The following SLC38A6 variants were observed in gnomAD, a reference collection of about 807,000 sequenced individuals.
SLC38A6 encodes the protein solute carrier family 38 member 6.
In SLC38A6, 73 loss-of-function variants were observed where a neutral mutation model predicts 65.0. The ratio of observed to expected loss-of-function variants is 1.12; its 90% CI spans 0.93 to 1.37. The LOEUF is 1.37. SLC38A6 is among the 40% of genes most tolerant of loss of function. The pLI, the probability that SLC38A6 is intolerant of heterozygous loss-of-function variation, is 0.00. For synonymous variants in SLC38A6, 183 were observed against 178.8 expected (o/e 1.02, Z -0.19); for missense variants, 561 against 531.1 (o/e 1.06, Z -0.55).
chr14:61,051,728 G>A, intron 13 of SLC38A6, 59 bp from the exon 14 acceptor site: 1 of 1,585,964 alleles, frequency 6.3e-7, no homozygotes, highest in Non-Finnish European at 8.6e-7. Context: ...GTTTCTCTCA[G>A]CAAATATCTG....
At chr14:61,058,036 G>T (rs1284960008) in intron 15 of SLC38A6, among the ~76,000 whole-genome samples, 186 of 130,562 alleles carry the variant, frequency 1.4e-3, no homozygotes, top group African/African-American at 2.6e-3. Flanking sequence ...TCTTGCTAGC[G>T]GTCTATCAAT....
chr14:61,037,131 TC>T lies in SLC38A6; in HGVS notation c.558del (p.Ile188Ter), dbSNP rs1412576119. 16 of 1,601,642 alleles carry T rather than the reference TC, an allele frequency of 1.0e-5. No homozygotes were observed. Among genetic ancestry groups the T allele is most frequent in the Non-Finnish European group, 1.4e-5 (16 of 1,173,522 alleles). ...VGIVFPLALL[P>X]KIGFLGYTSS... ...GCATTGTGTTCCCTCTTGCACTTCT[TC>T]CCAAAATAGGTAAGTCTTTATAGAG... On this transcript the variant is annotated frameshift_variant, in exon 7 of 16. Transcript: ENST00000267488. LOFTEE classifies it high-confidence loss of function.
intron 8 of SLC38A6, among the ~76,000 whole-genome samples, chr14:61,038,405 G>T (rs1377867619): frequency 2.0e-5 from 3 of 151,574 alleles, no homozygotes; most frequent in Non-Finnish European, 4.4e-5. Context: ...TTTTTTCTTT[G>T]TATAGCAGTT....
chr14:60,992,125 A>G (rs945388035), intron 3 of SLC38A6, among the ~76,000 whole-genome samples: 2 of 152,178 alleles, frequency 1.3e-5, no homozygotes, highest in Non-Finnish European at 1.5e-5. Flanking sequence ...CTTGTACTTT[A>G]CTATCTTTGA....
chr14:61,049,594 C>T (rs2042382715), intron 12 of SLC38A6, among the ~76,000 whole-genome samples: 1 of 152,100 alleles, frequency 6.6e-6, no homozygotes, highest in Non-Finnish European at 1.5e-5. Context: ...AACTCTCTGG[C>T]CACTTACATG....
intron 3 of SLC38A6, among the ~76,000 whole-genome samples, chr14:61,003,672 T>C (rs1159938738): frequency 6.6e-6 from 1 of 152,210 alleles, no homozygotes; most frequent in Non-Finnish European, 1.5e-5. Context: ...TGCTGCAGAT[T>C]TTTTGTTGTT....
Position 61,037,058 on chromosome 14 carries a change from G to A in SLC38A6, c.483-1G>A. The A allele has an allele frequency of 2.0e-6, 3 of 1,514,894 alleles. No individual in the cohort carries two copies. Among genetic ancestry groups the A allele is most frequent in the South Asian group, 2.2e-5 (2 of 89,852 alleles). 93.8% of individuals were successfully genotyped at this position (1,514,894 alleles called of 1,614,324 possible). A position where few individuals can be genotyped will look rare whatever the true frequency, so the allele number is the denominator to read the frequency against. On this transcript the variant is annotated splice_acceptor_variant, in intron 6 of 15. Coordinates refer to ENST00000267488, the MANE Select transcript of SLC38A6 (RefSeq NM_153811.3). LOFTEE classifies it high-confidence loss of function. Reference sequence around the variant, plus strand: ...CTAAAGTAGAACTTTTTTTATAATAGATATTGGTATCTTGATGGACAAACA... The same window carrying A: ...CTAAAGTAGAACTTTTTTTATAATAAATATTGGTATCTTGATGGACAAACA...
At chr14:61,021,783 G>C (rs555075786) in intron 5 of SLC38A6, among the ~76,000 whole-genome samples, 2 of 152,122 alleles carry the variant, frequency 1.3e-5, no homozygotes, top group South Asian at 4.1e-4. Flanking sequence ...AGTGTATTAA[G>C]TGCCCAGTCA....
chr14:61,055,272 C>T (rs1361007526), downstream of SLC38A6, among the ~76,000 whole-genome samples: 3 of 59,348 alleles, frequency 5.1e-5, no homozygotes, highest in African/African-American at 1.9e-4. Flanking sequence ...CCCCCCTCCC[C>T]CGACCCCACC....
intron 6 of SLC38A6, among the ~76,000 whole-genome samples, chr14:61,033,512 C>T (rs760398910): frequency 2.0e-4 from 30 of 151,924 alleles, no homozygotes; most frequent in Admixed American, 4.6e-4. Context: ...TTTATTCCCC[C>T]CTTAGGAAAA....
At chr14:61,065,882 T>G (rs2043003322) in intron 15 of SLC38A6, among the ~76,000 whole-genome samples, 1 of 152,124 alleles carries the variant, frequency 6.6e-6, no homozygotes, top group African/African-American at 2.4e-5. Context: ...GTGTGGAGAG[T>G]ACTTCCACTC....
intron 15 of SLC38A6, among the ~76,000 whole-genome samples, chr14:61,067,810 C>T (rs1201872724): frequency 6.6e-6 from 1 of 152,108 alleles, no homozygotes; most frequent in Non-Finnish European, 1.5e-5. Flanking sequence ...AGCTTCAGTG[C>T]ACCACTTAAG....
chr14:61,046,127 T>C lies in SLC38A6; in HGVS notation c.885T>C (p.Ile295=), dbSNP rs1476931889. The change falls in exon 12 of 16, where the codon ATT becomes ATC. Residue 295 remains isoleucine (I), a synonymous_variant. Transcript: ENST00000267488. The part of the protein sequence containing the change: ...TNTAIALSFL[I]YFISALFGYL... Reference sequence around the variant, plus strand: ...CAGCAATTGCTTTAAGTTTTCTCATTTATTTTATATCTGCACTCTTTGGGT... The same window carrying C: ...CAGCAATTGCTTTAAGTTTTCTCATCTATTTTATATCTGCACTCTTTGGGT... 1 of 1,610,790 alleles carries C rather than the reference T, an allele frequency of 6.2e-7. No individual in the cohort carries two copies. The highest frequency in any genetic ancestry group is 8.5e-7 in the Non-Finnish European group (1 of 1,177,626).
chr14:61,022,153 A>G (rs1476767753), intron 5 of SLC38A6, among the ~76,000 whole-genome samples: 1 of 152,170 alleles, frequency 6.6e-6, no homozygotes, highest in Non-Finnish European at 1.5e-5. Context: ...TTATTACAGG[A>G]AAGTTCAATG....
chr14:61,005,502 A>G (rs1003157309), intron 3 of SLC38A6, among the ~76,000 whole-genome samples: 3 of 150,992 alleles, frequency 2.0e-5, no homozygotes, highest in Non-Finnish European at 3.0e-5. Flanking sequence ...TACAAAATCA[A>G]TGTACAAAAA....
At chr14:61,047,517 T>C (rs955773733) in intron 12 of SLC38A6, among the ~76,000 whole-genome samples, 1 of 152,154 alleles carries the variant, frequency 6.6e-6, no homozygotes, top group Non-Finnish European at 1.5e-5. Context: ...AATCTAGTTT[T>C]GTCTCTCTCC....
intron 3 of SLC38A6, among the ~76,000 whole-genome samples, chr14:61,007,273 T>G (rs1347412961): frequency 6.6e-6 from 1 of 151,962 alleles, no homozygotes; most frequent in Non-Finnish European, 1.5e-5. Flanking sequence ...TGTATACATA[T>G]GTATCTAACC....
intron 3 of SLC38A6, among the ~76,000 whole-genome samples, chr14:61,006,582 C>T (rs1047640150): frequency 2.6e-5 from 4 of 152,186 alleles, no homozygotes; most frequent in Non-Finnish European, 5.9e-5. Context: ...AAATGCTCAC[C>T]ATCACTGGCC....
At chr14:61,066,283 T>C (rs1054049704) in intron 15 of SLC38A6, among the ~76,000 whole-genome samples, 6 of 152,202 alleles carry the variant, frequency 3.9e-5, no homozygotes, top group African/African-American at 1.4e-4. Flanking sequence ...GGTTTCTTTA[T>C]TGCAATCAGA....
Sources: allele counts gnomAD v4.1 joint callset (sites outside exome capture counted in the v4.1 genomes callset), GRCh38; gene constraint gnomAD v4.1.1; transcripts MANE v1.5; gene names NCBI Gene and HGNC (gene_info 2026-07-23, HGNC 2026-07-21).